The following PNKD variants were observed in gnomAD, a reference collection of about 807,000 sequenced individuals.
PNKD encodes the protein PNKD metallo-beta-lactamase domain containing.
PNKD carries 36 observed loss-of-function variants against 45.3 expected under a neutral mutation model. The ratio of observed to expected loss-of-function variants is 0.80; its 90% confidence interval spans 0.61 to 1.05. PNKD has a LOEUF of 1.05. PNKD is among the 50% of genes least tolerant of loss of function. The pLI, the probability that PNKD is intolerant of heterozygous loss-of-function variation, is 0.00. For synonymous variants in PNKD, 197 were observed against 210.1 expected (o/e 0.94, Z 0.54); for missense variants, 511 against 506.6 (o/e 1.01, Z -0.08).
intron 2 of PNKD, among the ~76,000 whole-genome samples, chr2:218,336,905 T>G (rs1409826929): frequency 2.0e-5 from 3 of 150,258 alleles, no homozygotes; most frequent in African/African-American, 7.4e-5. Flanking sequence ...GTTCAAGTGA[T>G]TCTCCTGCCT....
chr2:218,340,304 G>T lies in PNKD; in HGVS notation c.465+163G>T, dbSNP rs1006948742. On this transcript the variant is annotated intron_variant, in intron 4 of 9. Coordinates refer to ENST00000273077, the MANE Select transcript of PNKD (RefSeq NM_015488.5). This position sits in a 1 kb window ranked among gnomAD's most constrained non-coding sequence, Gnocchi z 4.2. ...CGCACACATAGCCTGGGGAAGGGGG[G>T]TACAGGGCATGGCTGGGCAGAAGGG... 2.6e-5 allele frequency among the ~76,000 whole-genome samples: 4 copies of T among 152,146 alleles called. No individual in the cohort carries two copies. The highest frequency in any genetic ancestry group is 1.3e-4 in the Admixed American group (2 of 15,278).
At chr2:218,323,371 C>A (rs565193281) in intron 2 of PNKD, 18 of 1,579,890 alleles carry the variant, frequency 1.1e-5, no homozygotes, top group Admixed American at 1.7e-5. Flanking sequence ...GGCTGCCGAG[C>A]GCGGCGGGGC....
At chr2:218,344,331 G>A (rs1574723238) in intron 8 of PNKD, 124 bp from the exon 9 acceptor site, 2 of 729,276 alleles carry the variant, frequency 2.7e-6, no homozygotes, top group East Asian at 5.5e-5. Flanking sequence ...GGTTTTCCTG[G>A]AAGTGCTGAC....
At chr2:218,292,206 G>C (rs1692976170) in intron 2 of PNKD, among the ~76,000 whole-genome samples, 1 of 152,228 alleles carries the variant, frequency 6.6e-6, no homozygotes, top group South Asian at 2.1e-4. Flanking sequence ...GCTCACCAGT[G>C]CCCACAACAC....
At chr2:218,323,219 TG>T in intron 2 of PNKD, 1 of 1,433,284 alleles carries the variant, frequency 7.0e-7, no homozygotes, top group Non-Finnish European at 9.1e-7. Context: ...GCCGGGCCGT[TG>T]CCTAGCAACG....
chr2:218,332,201 G>A (rs997089693), intron 2 of PNKD, among the ~76,000 whole-genome samples: 1 of 152,180 alleles, frequency 6.6e-6, no homozygotes, highest in African/African-American at 2.4e-5. Context: ...GTAGAGAGCT[G>A]GGGGACAGAG....
intron 2 of PNKD, among the ~76,000 whole-genome samples, chr2:218,314,149 C>T (rs1367958830): frequency 6.6e-6 from 1 of 151,040 alleles, no homozygotes; most frequent in African/African-American, 2.4e-5. Context: ...TCTCAAACTC[C>T]CAGCCTCAGG....
chr2:218,278,506 G>A (rs2292551), intron 2 of PNKD: 629,348 of 1,612,910 alleles, frequency 0.39, 124,447 homozygotes, highest in Middle Eastern at 0.49. Flanking sequence ...TTAAGTCTCT[G>A]GGACTCACCT....
intron 2 of PNKD, among the ~76,000 whole-genome samples, chr2:218,290,644 C>T (rs932909548): frequency 2.0e-5 from 3 of 152,266 alleles, no homozygotes; most frequent in African/African-American, 7.2e-5. Flanking sequence ...CCTAACCTCA[C>T]CTCTGTGCAA....
chr2:218,343,662 C>G, intron 8 of PNKD, 76 bp downstream of exon 8: 1 of 1,114,162 alleles, frequency 9.0e-7, no homozygotes, highest in Non-Finnish European at 1.3e-6. Context: ...CACCCCCTCA[C>G]TCCCCTAGAA....
At chr2:218,307,170 G>A (rs1187565871) in intron 2 of PNKD, among the ~76,000 whole-genome samples, 1 of 152,150 alleles carries the variant, frequency 6.6e-6, no homozygotes, top group African/African-American at 2.4e-5. Context: ...CCGTGTGGCA[G>A]CAGTCCCCAG....
At chr2:218,299,917 G>A (rs189919796) in intron 2 of PNKD, among the ~76,000 whole-genome samples, 234 of 151,838 alleles carry the variant, frequency 1.5e-3, no homozygotes, top group Non-Finnish European at 3.0e-3. Context: ...CACCGCGCCC[G>A]GCTAATTTTT....
At chr2:218,335,895 C>T (rs2106288373) in intron 2 of PNKD, among the ~76,000 whole-genome samples, 1 of 152,292 alleles carries the variant, frequency 6.6e-6, no homozygotes, top group Admixed American at 6.5e-5. Flanking sequence ...GCTGCCCCTG[C>T]TCCCACATAC....
At chr2:218,271,338 C>G in intron 1 of PNKD, 43 bp from the exon 2 acceptor site, 1 of 1,590,842 alleles carries the variant, frequency 6.3e-7, no homozygotes, top group Non-Finnish European at 8.6e-7. Flanking sequence ...CGCTTGCTTT[C>G]TTCTCATCTC....
intron 2 of PNKD, among the ~76,000 whole-genome samples, chr2:218,288,707 GCTT>G (rs542175255): frequency 5.3e-5 from 8 of 152,236 alleles, no homozygotes; most frequent in African/African-American, 1.9e-4. Context: ...AAATCCATGT[GCTT>G]CTGCCACTGT....
At chr2:218,324,409 C>G (rs979527962) in intron 2 of PNKD, among the ~76,000 whole-genome samples, 1 of 152,216 alleles carries the variant, frequency 6.6e-6, no homozygotes, top group South Asian at 2.1e-4. Context: ...CCTCCCCAGA[C>G]CACCCCACAC....
At chr2:218,334,422 T>C (rs1694427907) in intron 2 of PNKD, among the ~76,000 whole-genome samples, 1 of 152,152 alleles carries the variant, frequency 6.6e-6, no homozygotes, top group Non-Finnish European at 1.5e-5. Context: ...TTTCATCTTG[T>C]CAATACATTT....
chr2:218,344,313 G>A (rs1694766089), intron 8 of PNKD, 142 bp from the exon 9 acceptor site: 1 of 693,654 alleles, frequency 1.4e-6, no homozygotes. Context: ...GCAGCTCCTG[G>A]CAGTTGGGGT....
At position 218,340,859 on chromosome 2, in the gene PNKD, G is replaced by A. The variant is rs114465997; in HGVS notation, c.524+73G>A. ...TGCCAGGACTGGGCCCATTGAGGAC[G>A]GCCGGGGCCAGAGATCAAGAAGTCA... On this transcript the variant is annotated intron_variant, in intron 5 of 9. Coordinates refer to ENST00000273077, the MANE Select transcript of PNKD (RefSeq NM_015488.5). The surrounding 1 kb of genome is among the most constrained non-coding windows in gnomAD (Gnocchi z 4.2). The A allele has an allele frequency of 8.3e-4, 1,054 of 1,276,922 alleles. 11 individuals are homozygous for A. The African/African-American group carries it at 0.013, about 16-fold the overall frequency. 79.1% of individuals were successfully genotyped at this position (1,276,922 alleles called of 1,614,324 possible). A position where few individuals can be genotyped will look rare whatever the true frequency, so the allele number is the denominator to read the frequency against.
Sources: allele counts gnomAD v4.1 joint callset (sites outside exome capture counted in the v4.1 genomes callset), GRCh38; gene constraint gnomAD v4.1.1; non-coding constraint Gnocchi (gnomAD v3.1); transcripts MANE v1.5; gene names NCBI Gene and HGNC (gene_info 2026-07-23, HGNC 2026-07-21).